The following ADGRL4 variants were observed in gnomAD, a reference collection of about 807,000 sequenced individuals.
The protein encoded by ADGRL4 is adhesion G protein-coupled receptor L4, also known as EGF, latrophilin and seven transmembrane domain containing 1.
Under a neutral mutation model 74.8 loss-of-function variants are expected in ADGRL4, and 90 were observed. That is an observed-to-expected ratio of 1.20 (90% CI 1.02 to 1.43). The LOEUF is 1.43. Among genes scored for constraint, ADGRL4 ranks in the 40% most tolerant of loss-of-function variants. The pLI is 0.00. For synonymous variants in ADGRL4, 311 were observed against 279.2 expected (o/e 1.11, Z -1.14); for missense variants, 881 against 814.3 (o/e 1.08, Z -1.00).
chr1:78,955,672 G>A (rs557727245), intron 2 of ADGRL4, among the ~76,000 whole-genome samples: 142 of 151,674 alleles, frequency 9.4e-4, no homozygotes, highest in Non-Finnish European at 1.4e-3. Flanking sequence ...TTATTTTTGC[G>A]TAATCATTCA....
At chr1:78,978,235 A>G (rs2100723642) in intron 2 of ADGRL4, among the ~76,000 whole-genome samples, 1 of 151,964 alleles carries the variant, frequency 6.6e-6, no homozygotes, top group Middle Eastern at 3.4e-3. Context: ...CTATGTGCCT[A>G]TTGTCATGTC....
chr1:78,897,671 A>C (rs1232681012), intron 12 of ADGRL4, among the ~76,000 whole-genome samples: 1 of 152,188 alleles, frequency 6.6e-6, no homozygotes, highest in Non-Finnish European at 1.5e-5. Flanking sequence ...CTTTTGCCAG[A>C]AAAAATACTT....
intron 2 of ADGRL4, among the ~76,000 whole-genome samples, chr1:78,977,697 A>T (rs1367455641): frequency 6.6e-6 from 1 of 151,906 alleles, no homozygotes; most frequent in Non-Finnish European, 1.5e-5. Flanking sequence ...TAGTAGTAGT[A>T]TGTGTGTGTT....
At chr1:78,937,628 C>T (rs538359108) in intron 6 of ADGRL4, among the ~76,000 whole-genome samples, 179 bp downstream of exon 6, 2 of 152,306 alleles carry the variant, frequency 1.3e-5, no homozygotes, top group East Asian at 3.9e-4. Context: ...ATCCTTTTGA[C>T]TGGTACTTTA....
chr1:78,942,934 T>A (rs1027950611), intron 3 of ADGRL4, among the ~76,000 whole-genome samples: 2 of 151,968 alleles, frequency 1.3e-5, no homozygotes, highest in African/African-American at 4.8e-5. Flanking sequence ...TCAAAAATAA[T>A]GATAATAATA....
intron 3 of ADGRL4, among the ~76,000 whole-genome samples, chr1:78,944,436 G>T (rs538356128): frequency 6.6e-6 from 1 of 152,158 alleles, no homozygotes; most frequent in African/African-American, 2.4e-5. Flanking sequence ...AAACAGTGAA[G>T]TACTGTAAGT....
At chr1:78,941,035 T>C (rs778975990) in intron 3 of ADGRL4, among the ~76,000 whole-genome samples, 1 of 152,200 alleles carries the variant, frequency 6.6e-6, no homozygotes, top group Non-Finnish European at 1.5e-5. Flanking sequence ...AAATCTGTAC[T>C]ACCCAGAAAT....
chr1:79,001,495 G>T (rs1184396761), intron 2 of ADGRL4, among the ~76,000 whole-genome samples: 2 of 152,076 alleles, frequency 1.3e-5, no homozygotes, highest in Admixed American at 1.3e-4. Context: ...TCTCCAGAGG[G>T]ACCTGAAGCA....
At chr1:79,004,710 T>C (rs1275544697) in intron 2 of ADGRL4, among the ~76,000 whole-genome samples, 5 of 152,116 alleles carry the variant, frequency 3.3e-5, no homozygotes, top group Non-Finnish European at 5.9e-5. Context: ...CTTATATACT[T>C]GGTATCATGT....
At chr1:78,898,268 C>A (rs1334982823) in intron 12 of ADGRL4, among the ~76,000 whole-genome samples, 3 of 152,036 alleles carry the variant, frequency 2.0e-5, no homozygotes, top group Non-Finnish European at 2.9e-5. Flanking sequence ...ATGGCAGTGT[C>A]TAATATCATG....
intron 12 of ADGRL4, among the ~76,000 whole-genome samples, chr1:78,898,580 G>A (rs1416746585): frequency 6.6e-6 from 1 of 151,560 alleles, no homozygotes. Flanking sequence ...AATAAACAGG[G>A]CAAGGACCTT....
chr1:78,946,493 A>C, intron 2 of ADGRL4, 67 bp from the exon 3 acceptor site: 2 of 1,366,112 alleles, frequency 1.5e-6, no homozygotes, highest in Non-Finnish European at 2.0e-6. Context: ...ATTTTCCATC[A>C]GTATTTTGGA....
At chr1:78,914,427 G>A (rs1648828070) in intron 12 of ADGRL4, among the ~76,000 whole-genome samples, 1 of 151,764 alleles carries the variant, frequency 6.6e-6, no homozygotes, top group African/African-American at 2.4e-5. Context: ...TTAATCATAC[G>A]GTTTGGGTCT....
chr1:78,945,373 T>C (rs939192656), intron 3 of ADGRL4, among the ~76,000 whole-genome samples: 3 of 151,898 alleles, frequency 2.0e-5, no homozygotes, highest in South Asian at 2.1e-4. Context: ...TCTCAGGGCC[T>C]CAGCATACCT....
chr1:79,001,225 G>GGGAC (rs1351262992), intron 2 of ADGRL4, among the ~76,000 whole-genome samples: 1 of 133,086 alleles, frequency 7.5e-6, no homozygotes, highest in African/African-American at 2.9e-5. Context: ...AAGGGAGAGA[G>GGGAC]GGAGGGAGGG....
chr1:78,987,641 A>G (rs1286581364), intron 2 of ADGRL4, among the ~76,000 whole-genome samples: 2 of 151,810 alleles, frequency 1.3e-5, no homozygotes, highest in East Asian at 3.9e-4. Context: ...TGTTATTGGA[A>G]CACTAATAGT....
intron 12 of ADGRL4, among the ~76,000 whole-genome samples, chr1:78,917,234 T>C (rs1648893131): frequency 6.6e-6 from 1 of 151,800 alleles, no homozygotes; most frequent in South Asian, 2.1e-4. Flanking sequence ...AATTATCAGC[T>C]GGTTGGCACA....
At chr1:78,947,491 G>A (rs12406914) in intron 2 of ADGRL4, among the ~76,000 whole-genome samples, 18,463 of 152,128 alleles carry the variant, frequency 0.12, 1,273 homozygotes, top group East Asian at 0.33. Flanking sequence ...ACGTTTTCAC[G>A]TTTTTGAAGC....
At chr1:78,911,768 A>G (rs190287265) in intron 12 of ADGRL4, among the ~76,000 whole-genome samples, 18 of 151,924 alleles carry the variant, frequency 1.2e-4, no homozygotes, top group African/African-American at 3.9e-4. Context: ...ATTATCCTCC[A>G]GAATGTTGTG....
Sources: allele counts gnomAD v4.1 joint callset (sites outside exome capture counted in the v4.1 genomes callset), GRCh38; gene constraint gnomAD v4.1.1; transcripts MANE v1.5; gene names NCBI Gene and HGNC (gene_info 2026-07-23, HGNC 2026-07-21).